Variants in SCARA5 observed in about 807,000 individuals in gnomAD.
The protein encoded by SCARA5 is scavenger receptor class A, member 5 (putative).
Under a neutral mutation model 46.3 loss-of-function variants are expected in SCARA5, and 45 were observed. The observed-to-expected ratio is 0.97, with a 90% CI of 0.76 to 1.24. SCARA5 has a LOEUF of 1.24. Among genes scored for constraint, SCARA5 ranks in the 50% most tolerant of loss-of-function variants. The probability of loss-of-function intolerance (pLI) is 0.00; values close to 1 mark genes in which losing one functional copy is unlikely to be tolerated. For missense variants in SCARA5, 680 were observed against 689.0 expected, an observed-to-expected ratio of 0.99 and a Z score of 0.15; for synonymous variants, 333 against 306.5, an observed-to-expected ratio of 1.09 and a Z score of -0.90.
intron 3 of SCARA5, among the ~76,000 whole-genome samples, chr8:27,929,299 T>C (rs1025903241): frequency 7.0e-6 from 1 of 142,496 alleles, no homozygotes; most frequent in Non-Finnish European, 1.5e-5. Context: ...TTTATGTCCA[T>C]GAAAAAAATG....
intron 3 of SCARA5, among the ~76,000 whole-genome samples, chr8:27,930,200 G>A (rs2727012): frequency 0.25 from 38,376 of 151,992 alleles, 5,511 homozygotes; most frequent in Non-Finnish European, 0.32. Context: ...GGAGGCACAC[G>A]GTGCAAGGTA....
chr8:27,959,527 G>A (rs1808261993), intron 3 of SCARA5, among the ~76,000 whole-genome samples: 1 of 152,192 alleles, frequency 6.6e-6, no homozygotes, highest in Non-Finnish European at 1.5e-5. Context: ...TAGGAGGAGA[G>A]CCAGCACAGA....
At chr8:27,878,841 C>T (rs934585198) in intron 8 of SCARA5, among the ~76,000 whole-genome samples, 1 of 152,220 alleles carries the variant, frequency 6.6e-6, no homozygotes, top group Non-Finnish European at 1.5e-5. Context: ...GTAATCCCAG[C>T]ACTTTGGGAG....
At chr8:27,883,757 A>T (rs1250797997) in intron 7 of SCARA5, among the ~76,000 whole-genome samples, 1 of 152,172 alleles carries the variant, frequency 6.6e-6, no homozygotes, top group Non-Finnish European at 1.5e-5. Context: ...GTAGGGGTGG[A>T]CATTGTACTG....
intron 4 of SCARA5, among the ~76,000 whole-genome samples, chr8:27,915,207 C>T (rs1336099664): frequency 6.6e-6 from 1 of 152,144 alleles, no homozygotes; most frequent in Non-Finnish European, 1.5e-5. Flanking sequence ...TCATTTAAGG[C>T]ATCTCTCTGT....
intron 7 of SCARA5, among the ~76,000 whole-genome samples, chr8:27,899,790 T>C (rs543427560): frequency 3.9e-5 from 6 of 152,222 alleles, no homozygotes; most frequent in Non-Finnish European, 8.8e-5. Context: ...TGGTTCTCTT[T>C]ACCTGGGACA....
intron 2 of SCARA5, among the ~76,000 whole-genome samples, chr8:27,973,462 G>T (rs926946460): frequency 1.3e-5 from 2 of 152,172 alleles, no homozygotes; most frequent in Non-Finnish European, 2.9e-5. Flanking sequence ...GGGTGACAGA[G>T]TGAGACTCTG....
At chr8:27,877,703 A>G (rs1441512757) in intron 8 of SCARA5, among the ~76,000 whole-genome samples, 3 of 152,338 alleles carry the variant, frequency 2.0e-5, no homozygotes, top group Non-Finnish European at 4.4e-5. Context: ...TCCAGCCCCA[A>G]GCCTTAGGTG....
rs1185522745 is a variant in SCARA5 at position 27,869,984 on chromosome 8, G to C, written c.*1950C>G. ...TTTGGTCCCTGAAATGCAGGCCCAT[G>C]GTCATTTCCATGTCCTCTGAAGTAG... On this transcript the variant is annotated 3_prime_UTR_variant, in exon 9 of 9. Coordinates refer to ENST00000354914, the MANE Select transcript of SCARA5 (RefSeq NM_173833.6). 3 of 152,212 alleles carry C rather than the reference G, an allele frequency of 2.0e-5. No individual in the cohort carries two copies. The highest frequency in any genetic ancestry group is 7.2e-5 in the African/African-American group (3 of 41,454). The allele number at this position is 152,212 out of a possible 1,614,324, so 9.4% of individuals were successfully genotyped here. A position where few individuals can be genotyped will look rare whatever the true frequency, so the allele number is the denominator to read the frequency against.
At position 27,966,672 on chromosome 8, in the gene SCARA5, A is replaced by G. The variant is rs574350676; in HGVS notation, c.113-130T>C. The G allele has an allele frequency of 3.1e-4, 310 of 987,328 alleles. 2 individuals are homozygous for G. The African/African-American group carries it at 4.7e-3, about 15-fold the overall frequency. 61.2% of individuals were successfully genotyped at this position (987,328 alleles called of 1,614,324 possible). On this transcript the variant is annotated intron_variant, in intron 2 of 8. Coordinates refer to ENST00000354914, the MANE Select transcript of SCARA5 (RefSeq NM_173833.6). ...GTTGAACTTCTCACATCCCTTTTGC[A>G]TGTCTAGAATGCAGCCACTTGATGG...
chr8:27,946,611 A>G (rs535881795), intron 3 of SCARA5, among the ~76,000 whole-genome samples: 1 of 152,338 alleles, frequency 6.6e-6, no homozygotes, highest in South Asian at 2.1e-4. Context: ...TCAGCAAACT[A>G]ATACAGACTG....
chr8:27,988,255 CCT>C (rs1563203293), intron 1 of SCARA5, among the ~76,000 whole-genome samples: 6 of 152,160 alleles, frequency 3.9e-5, no homozygotes, highest in African/African-American at 9.7e-5. Context: ...GAGCAGGGAG[CCT>C]CTGAAGGGAC....
chr8:27,920,332 G>A (rs982829169), intron 4 of SCARA5, among the ~76,000 whole-genome samples: 5 of 152,104 alleles, frequency 3.3e-5, no homozygotes, highest in African/African-American at 4.8e-5. Flanking sequence ...TTAAAAACTG[G>A]CCAGGTGTAG....
chr8:27,889,222 T>C (rs148766244), intron 7 of SCARA5, among the ~76,000 whole-genome samples: 10 of 152,304 alleles, frequency 6.6e-5, no homozygotes, highest in African/African-American at 2.4e-4. Context: ...GGACAAGGAA[T>C]CTTAGCATTT....
chr8:27,959,075 A>C (rs576766360), intron 3 of SCARA5, among the ~76,000 whole-genome samples: 2 of 152,112 alleles, frequency 1.3e-5, no homozygotes, highest in Non-Finnish European at 2.9e-5. Flanking sequence ...TCTACTAAAA[A>C]TACAAAAATT....
chr8:27,956,206 T>G (rs956472068), intron 3 of SCARA5, among the ~76,000 whole-genome samples: 1 of 152,210 alleles, frequency 6.6e-6, no homozygotes, highest in Non-Finnish European at 1.5e-5. Flanking sequence ...TGTTCAGTAC[T>G]TGAGTGATGC....
At chr8:27,909,862 A>C (rs1807344562) in intron 4 of SCARA5, 119 bp from the exon 5 acceptor site, 1 of 610,302 alleles carries the variant, frequency 1.6e-6, no homozygotes, top group Admixed American at 3.2e-5. Flanking sequence ...TTAGCTTTGG[A>C]AACTCACAGG....
In SCARA5 at chr8:27,870,918, A is replaced by G. The variant is rs933589345; in HGVS notation, c.*1016T>C. 2.0e-5 allele frequency: 3 copies of G among 152,226 alleles called. No individual in the cohort carries two copies. Among genetic ancestry groups the G allele is most frequent in the Admixed American group, 6.5e-5 (1 of 15,284 alleles). The allele number at this position is 152,226 out of a possible 1,614,324, so 9.4% of individuals were successfully genotyped here. A position where few individuals can be genotyped will look rare whatever the true frequency, so the allele number is the denominator to read the frequency against. ...ACTTGGCTTTAACCGTGACTGCCCA[A>G]TGCCAGAGCACTGGACTCAGGTTTA... On this transcript the variant is annotated 3_prime_UTR_variant, in exon 9 of 9. Transcript: ENST00000354914.
intron 7 of SCARA5, among the ~76,000 whole-genome samples, chr8:27,893,450 T>G (rs1807017448): frequency 1.3e-5 from 2 of 152,232 alleles, no homozygotes; most frequent in Admixed American, 6.5e-5. Context: ...TCTCTTTGTT[T>G]TGTAAATATA....
Sources: allele counts gnomAD v4.1 joint callset (sites outside exome capture counted in the v4.1 genomes callset), GRCh38; gene constraint gnomAD v4.1.1; transcripts MANE v1.5; gene names NCBI Gene and HGNC (gene_info 2026-07-23, HGNC 2026-07-21).